The following SGCZ variants were observed in gnomAD, a reference collection of about 807,000 sequenced individuals.
SGCZ encodes the protein sarcoglycan zeta, also known as zeta-sarcoglycan.
In SGCZ, 40 loss-of-function variants were observed where a neutral mutation model predicts 41.3. The ratio of observed to expected loss-of-function variants is 0.97; its 90% CI spans 0.75 to 1.26. The LOEUF (loss-of-function observed/expected upper bound fraction) is 1.26. SGCZ is among the 50% of genes most tolerant of loss of function. The probability of loss-of-function intolerance (pLI) is 0.00; values close to 1 mark genes in which losing one functional copy is unlikely to be tolerated. For missense variants in SGCZ, 552 were observed against 369.8 expected (o/e 1.49, Z -4.04); for synonymous variants, 206 against 137.5 (o/e 1.50, Z -3.49).
rs572991555 is a variant in SGCZ, at chr8:14,226,908, T to C, written c.424+10684A>G. Among the ~76,000 whole-genome samples the C allele has an allele frequency of 2.8e-4, 43 of 152,278 alleles. 1 individual carries two copies. Among genetic ancestry groups the C allele is most frequent in the Admixed American group, 2.4e-3 (36 of 15,272 alleles). On this transcript the variant is annotated intron_variant, in intron 4 of 7. Transcript: ENST00000382080. ...TTTTAGTCACTATACTTATGACTTATGATTTCTCAAAGCCTGAAATGTGAA... is the reference window on the plus strand; with the variant it reads ...TTTTAGTCACTATACTTATGACTTACGATTTCTCAAAGCCTGAAATGTGAA...
intron 5 of SGCZ, among the ~76,000 whole-genome samples, chr8:14,130,269 G>A (rs901719233): frequency 6.6e-6 from 1 of 150,778 alleles, no homozygotes. Flanking sequence ...AAGAATCTTG[G>A]TAGAAGCTAA....
At chr8:14,209,774 G>A (rs1390266719) in intron 4 of SGCZ, among the ~76,000 whole-genome samples, 1 of 151,940 alleles carries the variant, frequency 6.6e-6, no homozygotes, top group Non-Finnish European at 1.5e-5. Flanking sequence ...CGAGAGCTGG[G>A]ATCAAAGTTA....
intron 2 of SGCZ, among the ~76,000 whole-genome samples, chr8:14,365,371 T>C (rs771513584): frequency 8.5e-5 from 13 of 152,144 alleles, no homozygotes; most frequent in Non-Finnish European, 1.9e-4. Flanking sequence ...CTTTATTCAT[T>C]GAACAATGCC....
intron 2 of SGCZ, among the ~76,000 whole-genome samples, chr8:14,432,891 G>A (rs1219455613): frequency 8.9e-6 from 1 of 112,684 alleles, no homozygotes; most frequent in Admixed American, 1.3e-4. Flanking sequence ...TCCAGCCTGG[G>A]CAAAAGAGTG....
intron 1 of SGCZ, among the ~76,000 whole-genome samples, chr8:14,906,798 T>G (rs1269763888): frequency 6.6e-6 from 1 of 152,188 alleles, no homozygotes; most frequent in Non-Finnish European, 1.5e-5. Flanking sequence ...AGAAAAGAGC[T>G]AGAGCTAGAA....
rs145737172 is a variant in SGCZ, at chr8:14,802,062, G to C, written c.40-247136C>G. On this transcript the variant is annotated intron_variant, in intron 1 of 7. Coordinates refer to ENST00000382080, the MANE Select transcript of SGCZ (RefSeq NM_139167.4). ...TTGGAAGATGAACAAATCTTCCCTTGAGAGAAAAGAGCATGTTGGAAATGA... is the reference window on the plus strand; with the variant it reads ...TTGGAAGATGAACAAATCTTCCCTTCAGAGAAAAGAGCATGTTGGAAATGA... Among the ~76,000 whole-genome samples the C allele has an allele frequency of 1.4e-3, 220 of 152,302 alleles. 2 individuals carry two copies. The highest frequency in any genetic ancestry group is 6.9e-3 in the Admixed American group (106 of 15,302).
intron 7 of SGCZ, among the ~76,000 whole-genome samples, chr8:14,091,493 C>G (rs1801688558): frequency 6.6e-6 from 1 of 152,050 alleles, no homozygotes; most frequent in African/African-American, 2.4e-5. Flanking sequence ...TCTGTTGTTT[C>G]CTGACTTTTG....
chr8:15,171,959 A>G (rs1455729182), intron 1 of SGCZ, among the ~76,000 whole-genome samples: 2 of 152,156 alleles, frequency 1.3e-5, no homozygotes, highest in Non-Finnish European at 2.9e-5. Context: ...ACTCCATTGA[A>G]AGGTAACAGG....
intron 1 of SGCZ, among the ~76,000 whole-genome samples, chr8:14,885,365 A>C (rs1804749724): frequency 6.6e-6 from 1 of 152,206 alleles, no homozygotes; most frequent in Admixed American, 6.5e-5. Flanking sequence ...TGTTATGCCT[A>C]GGGACTAACA....
chr8:15,001,964 G>A (rs1004709587), intron 1 of SGCZ, among the ~76,000 whole-genome samples: 1 of 152,070 alleles, frequency 6.6e-6, no homozygotes, highest in African/African-American at 2.4e-5. Context: ...GTTGAATAAA[G>A]AGCGAAGAAG....
intron 1 of SGCZ, among the ~76,000 whole-genome samples, chr8:14,700,250 A>G (rs1410270618): frequency 1.3e-5 from 2 of 152,074 alleles, no homozygotes; most frequent in Non-Finnish European, 2.9e-5. Flanking sequence ...TGTGGTGTAT[A>G]TACATCATAG....
At chr8:14,376,191 GA>G (rs1211520446) in intron 2 of SGCZ, among the ~76,000 whole-genome samples, 1 of 151,994 alleles carries the variant, frequency 6.6e-6, no homozygotes, top group African/African-American at 2.4e-5. Context: ...GCCGCCTGTA[GA>G]CCCAGCTACA....
intron 1 of SGCZ, among the ~76,000 whole-genome samples, chr8:14,608,853 T>A (rs1434239220): frequency 6.6e-5 from 10 of 151,854 alleles, no homozygotes; most frequent in Admixed American, 6.6e-5. Context: ...TGAAAAAAAA[T>A]GACAAAAAAA....
At chr8:14,155,535 G>A (rs1008141971) in intron 5 of SGCZ, among the ~76,000 whole-genome samples, 2 of 151,940 alleles carry the variant, frequency 1.3e-5, no homozygotes, top group Middle Eastern at 3.2e-3. Context: ...AATTTTGCCT[G>A]AGATAAATAC....
intron 1 of SGCZ, among the ~76,000 whole-genome samples, chr8:15,196,291 A>G (rs1006843947): frequency 2.0e-5 from 3 of 152,166 alleles, no homozygotes; most frequent in Non-Finnish European, 4.4e-5. Flanking sequence ...TCTTTTCTTA[A>G]TCCAAAATTT....
chr8:14,872,168 G>A (rs530488629), intron 1 of SGCZ, among the ~76,000 whole-genome samples: 1 of 152,016 alleles, frequency 6.6e-6, no homozygotes, highest in South Asian at 2.1e-4. Context: ...GGGCCTGACA[G>A]GGCATGAGGG....
intron 1 of SGCZ, among the ~76,000 whole-genome samples, chr8:15,177,411 T>C (rs1048878628): frequency 3.3e-5 from 5 of 152,206 alleles, no homozygotes; most frequent in South Asian, 4.1e-4. Context: ...GGATATGGCA[T>C]GGCCAAGTAT....
At chr8:14,644,729 T>C (rs1807149632) in intron 1 of SGCZ, among the ~76,000 whole-genome samples, 1 of 151,676 alleles carries the variant, frequency 6.6e-6, no homozygotes, top group East Asian at 1.9e-4. Context: ...TGCAAAAATA[T>C]CAGAATAATC....
intron 3 of SGCZ, among the ~76,000 whole-genome samples, chr8:14,280,181 A>G (rs1460613243): frequency 6.6e-6 from 1 of 152,008 alleles, no homozygotes; most frequent in Non-Finnish European, 1.5e-5. Context: ...TAATGACATA[A>G]TAGTATGGAT....
Sources: gnomAD v4.1 joint callset for allele counts (sites outside exome capture counted in the v4.1 genomes callset) on GRCh38, gnomAD v4.1.1 for gene constraint, MANE v1.5 for transcripts, NCBI Gene and HGNC (gene_info 2026-07-23, HGNC 2026-07-21) for gene names.